The following CNTNAP5 variants were observed in gnomAD, a reference collection of about 807,000 sequenced individuals.
The protein encoded by CNTNAP5 is contactin-associated protein-like 5.
A neutral mutation model predicts 150.2 loss-of-function variants in CNTNAP5; 72 were observed. The observed-to-expected ratio is 0.48, with a 90% CI of 0.40 to 0.58. The LOEUF is 0.58. CNTNAP5 is among the 20% of genes least tolerant of loss of function. The probability of loss-of-function intolerance (pLI) is 0.00; values close to 1 mark genes in which losing one functional copy is unlikely to be tolerated. For missense variants in CNTNAP5, 1,636 were observed against 1,626.2 expected (o/e 1.01, Z -0.10); for synonymous variants, 672 against 619.8 (o/e 1.08, Z -1.25).
chr2:124,796,723 A>G (rs914973714), intron 18 of CNTNAP5, among the ~76,000 whole-genome samples: 3 of 152,334 alleles, frequency 2.0e-5, no homozygotes, highest in African/African-American at 4.8e-5. Flanking sequence ...CACTAACTCA[A>G]TCAGAGACTT....
chr2:124,468,960 C>A (rs1190893910), intron 6 of CNTNAP5, among the ~76,000 whole-genome samples: 1 of 152,218 alleles, frequency 6.6e-6, no homozygotes, highest in East Asian at 1.9e-4. Context: ...CTTGAGACAG[C>A]TCTAACAGGC....
At chr2:124,873,952 C>A (rs1040084054) in intron 21 of CNTNAP5, among the ~76,000 whole-genome samples, 1 of 152,052 alleles carries the variant, frequency 6.6e-6, no homozygotes, top group African/African-American at 2.4e-5. Flanking sequence ...AAATTCCTTA[C>A]TAAAGAGGAC....
At chr2:124,455,125 A>T (rs1693090330) in intron 6 of CNTNAP5, among the ~76,000 whole-genome samples, 2 of 152,282 alleles carry the variant, frequency 1.3e-5, no homozygotes, top group Admixed American at 1.3e-4. Context: ...TTCTTTGAAA[A>T]GATAAATAAA....
intron 3 of CNTNAP5, among the ~76,000 whole-genome samples, chr2:124,320,069 C>T (rs1428273977): frequency 6.6e-6 from 1 of 152,184 alleles, no homozygotes; most frequent in Non-Finnish European, 1.5e-5. Flanking sequence ...TTTTAGCCAA[C>T]GCTCCCTGTG....
intron 1 of CNTNAP5, among the ~76,000 whole-genome samples, chr2:124,182,864 T>G (rs2104682828): frequency 6.6e-6 from 1 of 152,288 alleles, no homozygotes; most frequent in South Asian, 2.1e-4. Flanking sequence ...TGTTCCATTT[T>G]GTTCCATACC....
At chr2:124,283,645 C>T (rs1329114366) in intron 3 of CNTNAP5, among the ~76,000 whole-genome samples, 2 of 152,178 alleles carry the variant, frequency 1.3e-5, no homozygotes, top group Non-Finnish European at 2.9e-5. Flanking sequence ...GAAAGAGGGA[C>T]TATTAGTCTG....
At chr2:124,098,534 T>C (rs1177493938) in intron 1 of CNTNAP5, among the ~76,000 whole-genome samples, 1 of 152,166 alleles carries the variant, frequency 6.6e-6, no homozygotes, top group African/African-American at 2.4e-5. Context: ...TCTGATGATA[T>C]TACGTGTAGT....
intron 3 of CNTNAP5, among the ~76,000 whole-genome samples, chr2:124,274,502 T>G (rs1303324301): frequency 6.6e-6 from 1 of 152,050 alleles, no homozygotes; most frequent in African/African-American, 2.4e-5. Flanking sequence ...AGGTTTTTTT[T>G]TCCGCTGGCC....
intron 3 of CNTNAP5, among the ~76,000 whole-genome samples, chr2:124,267,863 T>C (rs978270953): frequency 1.5e-4 from 23 of 152,184 alleles, no homozygotes; most frequent in African/African-American, 5.3e-4. Context: ...GAAAACATAA[T>C]GCAACTTCTA....
chr2:124,043,157 TGC>T (rs769475858), intron 1 of CNTNAP5, among the ~76,000 whole-genome samples: 1 of 152,190 alleles, frequency 6.6e-6, no homozygotes, highest in Non-Finnish European at 1.5e-5. Context: ...AGTAAGAGAC[TGC>T]TGGGTTGGGA....
chr2:124,782,124 A>G (rs1488448001), intron 17 of CNTNAP5, among the ~76,000 whole-genome samples: 1 of 145,410 alleles, frequency 6.9e-6, no homozygotes, highest in Non-Finnish European at 1.5e-5. Flanking sequence ...CCTTTCCGTC[A>G]GAGCATATTG....
intron 13 of CNTNAP5, among the ~76,000 whole-genome samples, chr2:124,713,610 A>G (rs1326793011): frequency 1.3e-5 from 2 of 151,812 alleles, no homozygotes; most frequent in Non-Finnish European, 2.9e-5. Flanking sequence ...TCCTGACCTC[A>G]AGTGATCCAC....
At chr2:124,108,908 C>T (rs561415321) in intron 1 of CNTNAP5, among the ~76,000 whole-genome samples, 54 of 152,036 alleles carry the variant, frequency 3.6e-4, no homozygotes, top group Admixed American at 2.2e-3. Flanking sequence ...TCATTCATGC[C>T]CCTATCCTCA....
intron 1 of CNTNAP5, among the ~76,000 whole-genome samples, chr2:124,085,744 C>A (rs1682673595): frequency 1.3e-5 from 2 of 152,072 alleles, no homozygotes; most frequent in Non-Finnish European, 1.5e-5. Context: ...TACACCTGAG[C>A]CTTCATGTTT....
intron 12 of CNTNAP5, among the ~76,000 whole-genome samples, chr2:124,626,327 A>T (rs950118955): frequency 1.3e-5 from 2 of 152,138 alleles, no homozygotes; most frequent in Non-Finnish European, 2.9e-5. Context: ...GCTCCCAGTG[A>T]GACGAATGCA....
At chr2:124,750,343 T>G (rs1206974259) in intron 14 of CNTNAP5, among the ~76,000 whole-genome samples, 1 of 152,180 alleles carries the variant, frequency 6.6e-6, no homozygotes, top group African/African-American at 2.4e-5. Flanking sequence ...AAAGTCTAGG[T>G]GAGAACAGAT....
At chr2:124,828,470 G>A (rs1217927240) in intron 19 of CNTNAP5, among the ~76,000 whole-genome samples, 1 of 151,868 alleles carries the variant, frequency 6.6e-6, no homozygotes, top group Non-Finnish European at 1.5e-5. Flanking sequence ...GACAGAGTGA[G>A]ACTCCATCTC....
At chr2:124,302,810 G>GT (rs1688597343) in intron 3 of CNTNAP5, among the ~76,000 whole-genome samples, 1 of 151,948 alleles carries the variant, frequency 6.6e-6, no homozygotes, top group Admixed American at 6.6e-5. Context: ...TAAGCTGAGT[G>GT]TGTTGCAAAG....
At chr2:124,797,433 A>G (rs757126387) in intron 18 of CNTNAP5, among the ~76,000 whole-genome samples, 1 of 152,222 alleles carries the variant, frequency 6.6e-6, no homozygotes, top group Non-Finnish European at 1.5e-5. Flanking sequence ...AGGAAAGCCT[A>G]TTTACCCAAG....
Sources: allele counts gnomAD v4.1 joint callset (sites outside exome capture counted in the v4.1 genomes callset), GRCh38; gene constraint gnomAD v4.1.1; transcripts MANE v1.5; gene names NCBI Gene and HGNC (gene_info 2026-07-23, HGNC 2026-07-21).